The following FANCM variants were observed in gnomAD, a reference collection of about 807,000 sequenced individuals.
FANCM encodes FA complementation group M, also known as Fanconi anemia group M protein.
In FANCM, 140 loss-of-function variants were observed where a neutral mutation model predicts 199.5. The ratio of observed to expected loss-of-function variants is 0.70; its 90% CI spans 0.61 to 0.81. The LOEUF (loss-of-function observed/expected upper bound fraction) is 0.81. FANCM is among the 30% of genes least tolerant of loss of function. The pLI, the probability that FANCM is intolerant of heterozygous loss-of-function variation, is 0.00. For synonymous variants in FANCM, 840 were observed against 836.8 expected (o/e 1.00, Z -0.07); for missense variants, 2,410 against 2,421.4 (o/e 1.00, Z 0.10).
In FANCM at chr14:45,175,115, G is replaced by A. The variant is rs201921949; in HGVS notation, c.2361G>A (p.Met787Ile). 1 of 1,611,948 alleles carries A rather than the reference G, an allele frequency of 6.2e-7. No homozygotes were observed. Among genetic ancestry groups the A allele is most frequent in the East Asian group, 2.2e-5 (1 of 44,698 alleles). The stretch of plus-strand genomic sequence containing the variant: ...TGGAAGTTGAATCTTATTTACAAAT[G>A]GAAGATGTTACCTCAACATTTATTG... Reference protein sequence around the residue: ...YELEVESYLQMEDVTSTFIAP... With the variant: ...YELEVESYLQIEDVTSTFIAP... The change falls in exon 14 of 23, where the codon ATG becomes ATA. Residue 787 changes from methionine to isoleucine, a missense_variant. By Grantham distance (10) the Met-to-Ile change is conservative. Transcript: ENST00000267430.
intron 9 of FANCM, among the ~76,000 whole-genome samples, chr14:45,160,708 A>T (rs528785019): frequency 6.6e-6 from 1 of 151,556 alleles, no homozygotes; most frequent in African/African-American, 2.4e-5. Flanking sequence ...CGCCCAGCTA[A>T]TTTTTTGTAT....
At chr14:45,182,196 C>A (rs534813101) in intron 16 of FANCM, among the ~76,000 whole-genome samples, 6 of 152,162 alleles carry the variant, frequency 3.9e-5, no homozygotes, top group Admixed American at 1.3e-4. Flanking sequence ...CTTAGTTAAA[C>A]CTTAAACTGT....
At chr14:45,146,883 C>G (rs922203899) in intron 3 of FANCM, among the ~76,000 whole-genome samples, 1 of 143,984 alleles carries the variant, frequency 6.9e-6, no homozygotes, top group Non-Finnish European at 1.5e-5. Flanking sequence ...AAGGTCTATT[C>G]TAACTAAGCT....
intron 8 of FANCM, among the ~76,000 whole-genome samples, chr14:45,157,697 C>A (rs1887294923): frequency 6.6e-6 from 1 of 152,132 alleles, no homozygotes; most frequent in Non-Finnish European, 1.5e-5. Context: ...ATGCTTGATG[C>A]AATGATGATT....
intron 5 of FANCM, among the ~76,000 whole-genome samples, chr14:45,153,095 A>T (rs2049144783): frequency 1.3e-5 from 2 of 152,208 alleles, no homozygotes; most frequent in East Asian, 1.9e-4. Flanking sequence ...CTTCATCTCA[A>T]AGGAAAATAA....
At chr14:45,182,856 G>A (rs1006888499) in intron 16 of FANCM, among the ~76,000 whole-genome samples, 1 of 152,080 alleles carries the variant, frequency 6.6e-6, no homozygotes, top group Non-Finnish European at 1.5e-5. Context: ...CCTTAAACGT[G>A]TTCAAAACAC....
chr14:45,142,338 G>A (rs1241803188), intron 3 of FANCM, among the ~76,000 whole-genome samples: 2 of 144,622 alleles, frequency 1.4e-5, no homozygotes, highest in African/African-American at 2.6e-5. Context: ...ACGAAGTCTC[G>A]CACTGTTGCC....
intron 14 of FANCM, 78 bp downstream of exon 14, chr14:45,177,054 T>C: frequency 1.1e-6 from 1 of 935,864 alleles, no homozygotes. Context: ...TTTTTCCAAA[T>C]GTAATTTTTT....
At chr14:45,154,305 G>A (rs1398889434) in intron 6 of FANCM, among the ~76,000 whole-genome samples, 2 of 151,876 alleles carry the variant, frequency 1.3e-5, no homozygotes, top group Non-Finnish European at 2.9e-5. Context: ...GGAGACTGAG[G>A]CGGGAGAATC....
chr14:45,151,368 C>T, intron 4 of FANCM, 29 bp from the exon 5 acceptor site: 1 of 1,608,348 alleles, frequency 6.2e-7, no homozygotes, highest in East Asian at 2.2e-5. Flanking sequence ...TTAGAGCAAG[C>T]TTAAACTAGA....
At chr14:45,181,006 A>G (rs966159749) in intron 14 of FANCM, 8 of 183,364 alleles carry the variant, frequency 4.4e-5, no homozygotes, top group Non-Finnish European at 5.7e-5. Context: ...ATCTTTTAAT[A>G]TATTGTTTTG....
At position 45,148,820 on chromosome 14, in the gene FANCM, T is replaced by C; in HGVS notation, c.760-17T>C. On this transcript the variant is annotated splice_polypyrimidine_tract_variant and intron_variant, in intron 3 of 22. Coordinates refer to ENST00000267430, the MANE Select transcript of FANCM (RefSeq NM_020937.4). ...TTAACATGTAGTTTATAATCATACT[T>C]AATTGATTTCATATAGGCTGTGCAA... 2.5e-6 allele frequency: 4 copies of C among 1,577,798 alleles called. No individual in the cohort carries two copies. Among genetic ancestry groups the C allele is most frequent in the Non-Finnish European group, 3.5e-6 (4 of 1,149,346 alleles).
Position 45,159,210 on chromosome 14 carries a change from G to T in FANCM, c.1511G>T (p.Arg504Ile). The stretch of plus-strand genomic sequence containing the variant: ...CTTTCACAGCATCAGCCAATTATTA[G>T]AGTAATGACTTTTGTCGGCCATGCC... Reference protein sequence around the residue: ...EMLSQHQPIIRVMTFVGHASG... With the variant: ...EMLSQHQPIIIVMTFVGHASG... Residue 504 changes from arginine (R) to isoleucine (I), a missense_variant, in exon 9 of 23, where the codon AGA (arginine) becomes ATA (isoleucine). Coordinates refer to ENST00000267430, the MANE Select transcript of FANCM (RefSeq NM_020937.4). 1 of 1,613,816 alleles carries T rather than the reference G, an allele frequency of 6.2e-7. No homozygotes were observed. The highest frequency in any genetic ancestry group is 8.5e-7 in the Non-Finnish European group (1 of 1,179,826).
chr14:45,143,460 C>G (rs551106403), intron 3 of FANCM, among the ~76,000 whole-genome samples: 1 of 152,098 alleles, frequency 6.6e-6, no homozygotes, highest in East Asian at 1.9e-4. Flanking sequence ...GGATTATTGG[C>G]ATGAGCCACC....
chr14:45,148,041 C>T (rs775159908), intron 3 of FANCM, among the ~76,000 whole-genome samples: 1 of 151,580 alleles, frequency 6.6e-6, no homozygotes, highest in Non-Finnish European at 1.5e-5. Flanking sequence ...ACTGAAAATA[C>T]AAAAAATTAG....
In FANCM at chr14:45,187,961, C is replaced by G. The variant is rs1430382348; in HGVS notation, c.4779+74C>G. On this transcript the variant is annotated intron_variant, in intron 19 of 22. Coordinates refer to ENST00000267430, the MANE Select transcript of FANCM (RefSeq NM_020937.4). ...AATATGTTCCTGTTAGTGAAGCCTC[C>G]ATTTTGTTTCTAAAACTGGGCTGTC... 4 of 797,758 alleles carry G rather than the reference C, an allele frequency of 5.0e-6. No homozygotes were observed. The African/African-American group carries it at 6.8e-5, about 14-fold the overall frequency. The allele number at this position is 797,758 out of a possible 1,614,324, so 49.4% of individuals were successfully genotyped here. A position where few individuals can be genotyped will look rare whatever the true frequency, so the allele number is the denominator to read the frequency against.
chr14:45,165,125 AAAT>A (rs1887876210), intron 10 of FANCM, among the ~76,000 whole-genome samples: 1 of 152,248 alleles, frequency 6.6e-6, no homozygotes, highest in South Asian at 2.1e-4. Flanking sequence ...AGGCCTTTCT[AAAT>A]AAGATGTTAC....
chr14:45,159,396 T>A, intron 9 of FANCM, 116 bp downstream of exon 9: 1 of 694,890 alleles, frequency 1.4e-6, no homozygotes. Flanking sequence ...AATTTTACAG[T>A]AAACGTGTAG....
intron 3 of FANCM, among the ~76,000 whole-genome samples, chr14:45,147,442 G>A (rs752221144): frequency 1.3e-5 from 2 of 151,786 alleles, no homozygotes; most frequent in Non-Finnish European, 2.9e-5. Flanking sequence ...TTGCCACTTC[G>A]CCAGCAATTG....
Sources: gnomAD v4.1 joint callset for allele counts (sites outside exome capture counted in the v4.1 genomes callset) on GRCh38, gnomAD v4.1.1 for gene constraint, MANE v1.5 for transcripts, NCBI Gene and HGNC (gene_info 2026-07-23, HGNC 2026-07-21) for gene names.